TNNI3K: variants seen among roughly 807,000 people sequenced by gnomAD.
TNNI3K encodes TNNI3 interacting kinase.
A neutral mutation model predicts 114.5 loss-of-function variants in TNNI3K; 140 were observed. The ratio of observed to expected loss-of-function variants is 1.22; its 90% CI spans 1.07 to 1.41. The LOEUF is 1.41. Among genes scored for constraint, TNNI3K ranks in the 40% most tolerant of loss-of-function variants. The pLI is 0.00. For missense variants in TNNI3K, 1,125 were observed against 1,007.6 expected (o/e 1.12, Z -1.58); for synonymous variants, 347 against 347.5 (o/e 1.00, Z 0.02).
chr1:74,421,803 C>T (rs1006837889), intron 17 of TNNI3K, among the ~76,000 whole-genome samples: 5 of 151,922 alleles, frequency 3.3e-5, no homozygotes, highest in African/African-American at 1.2e-4. Flanking sequence ...TAGCATACCA[C>T]CCTCAGCACT....
intron 23 of TNNI3K, among the ~76,000 whole-genome samples, chr1:74,529,910 T>G (rs75630474): frequency 0.016 from 2,371 of 152,168 alleles, 52 homozygotes; most frequent in African/African-American, 0.053. Flanking sequence ...TTAGGGAGAG[T>G]GTCCTTAGAG....
At chr1:74,446,952 T>C (rs1415458637) in intron 20 of TNNI3K, among the ~76,000 whole-genome samples, 1 of 93,464 alleles carries the variant, frequency 1.1e-5, no homozygotes, top group Admixed American at 1.3e-4. Context: ...AGCCTTGTAG[T>C]ATAGTTTGAA....
intron 23 of TNNI3K, among the ~76,000 whole-genome samples, chr1:74,533,746 G>A (rs2100448249): frequency 6.6e-6 from 1 of 152,068 alleles, no homozygotes; most frequent in East Asian, 1.9e-4. Context: ...AAAATGATGA[G>A]TTCATGTCCT....
intron 17 of TNNI3K, among the ~76,000 whole-genome samples, chr1:74,404,484 G>T (rs1272421677): frequency 6.6e-6 from 1 of 152,008 alleles, no homozygotes; most frequent in Non-Finnish European, 1.5e-5. Flanking sequence ...AATTCTCTTG[G>T]CCTATGACAG....
intron 4 of TNNI3K, among the ~76,000 whole-genome samples, chr1:74,266,847 C>T (rs1165960107): frequency 2.0e-5 from 3 of 151,862 alleles, no homozygotes; most frequent in African/African-American, 7.3e-5. Flanking sequence ...ATATTTTTAT[C>T]CATTTACATA....
chr1:74,436,003 T>C, intron 17 of TNNI3K, 77 bp from the exon 18 acceptor site: 3 of 1,543,464 alleles, frequency 1.9e-6, no homozygotes, highest in Non-Finnish European at 2.6e-6. Flanking sequence ...TATGGTCCTC[T>C]TCTTTGAGGG....
intron 4 of TNNI3K, among the ~76,000 whole-genome samples, chr1:74,263,982 C>G (rs1293974654): frequency 2.0e-5 from 3 of 151,718 alleles, no homozygotes; most frequent in Admixed American, 2.0e-4. Context: ...TAAATCATCT[C>G]TATATTATTA....
At chr1:74,246,189 T>C (rs1224670574) in intron 2 of TNNI3K, among the ~76,000 whole-genome samples, 3 of 152,218 alleles carry the variant, frequency 2.0e-5, no homozygotes, top group Non-Finnish European at 1.5e-5. Context: ...CTTCACAAAA[T>C]AACATGATTC....
intron 11 of TNNI3K, among the ~76,000 whole-genome samples, chr1:74,358,948 A>C (rs1336504778): frequency 6.6e-6 from 1 of 151,998 alleles, no homozygotes; most frequent in Admixed American, 6.6e-5. Flanking sequence ...TGTATATATA[A>C]TTTAATCAAA....
chr1:74,379,825 T>TTTA (rs761514913), intron 17 of TNNI3K, among the ~76,000 whole-genome samples: 12 of 152,140 alleles, frequency 7.9e-5, no homozygotes, highest in Non-Finnish European at 1.8e-4. Flanking sequence ...CCTTTAGTCC[T>TTTA]GAGTTGTCCT....
chr1:74,512,987 C>G (rs1056286733), intron 23 of TNNI3K, among the ~76,000 whole-genome samples: 3 of 152,202 alleles, frequency 2.0e-5, no homozygotes, highest in African/African-American at 7.2e-5. Flanking sequence ...TGCCCTTTCA[C>G]TAACATTCCT....
chr1:74,276,572 C>T lies in TNNI3K; in HGVS notation c.444+4864C>T, dbSNP rs1656699026. 2.0e-5 allele frequency among the ~76,000 whole-genome samples: 3 copies of T among 152,016 alleles called. No individual in the cohort carries two copies. The South Asian group carries it at 6.2e-4, about 32-fold the overall frequency. On this transcript the variant is annotated intron_variant, in intron 5 of 24. Transcript: ENST00000326637. ...CCTTACTATGCTAAAAATTTAGGTGCTTATTCCACTCCTATTTTTTATTAT... is the reference window on the plus strand; with the variant it reads ...CCTTACTATGCTAAAAATTTAGGTGTTTATTCCACTCCTATTTTTTATTAT...
intron 17 of TNNI3K, chr1:74,373,263 A>T (rs1246903229): frequency 6.6e-6 from 1 of 151,940 alleles, no homozygotes; most frequent in East Asian, 1.9e-4. Flanking sequence ...GTCAAAGATG[A>T]AAGTTGAGTA....
intron 21 of TNNI3K, chr1:74,470,392 T>G (rs1259740263): frequency 2.5e-6 from 1 of 400,646 alleles, no homozygotes; most frequent in African/African-American, 2.1e-5. Context: ...CCCTACTATT[T>G]TTATCTCTAG....
intron 23 of TNNI3K, among the ~76,000 whole-genome samples, chr1:74,538,790 A>G (rs186088126): frequency 3.6e-4 from 55 of 152,300 alleles, no homozygotes; most frequent in African/African-American, 1.0e-3. Flanking sequence ...GCGTTAACAA[A>G]TGCAGAAGCT....
At chr1:74,411,260 G>T (rs897374346) in intron 17 of TNNI3K, among the ~76,000 whole-genome samples, 1 of 152,086 alleles carries the variant, frequency 6.6e-6, no homozygotes, top group South Asian at 2.1e-4. Context: ...AACAGGTAAG[G>T]CTCTATTTAA....
intron 2 of TNNI3K, among the ~76,000 whole-genome samples, chr1:74,241,930 A>T (rs540801254): frequency 3.4e-4 from 51 of 150,934 alleles, no homozygotes; most frequent in African/African-American, 1.2e-3. Flanking sequence ...GCTCACTGCA[A>T]GCTCCGCCTC....
chr1:74,264,817 G>A (rs1039691160), intron 4 of TNNI3K, among the ~76,000 whole-genome samples: 11 of 152,008 alleles, frequency 7.2e-5, no homozygotes, highest in African/African-American at 2.2e-4. Flanking sequence ...CATAGAAGTA[G>A]GCCAATCTTG....
chr1:74,262,748 T>G (rs1655754629), intron 4 of TNNI3K, among the ~76,000 whole-genome samples: 1 of 152,080 alleles, frequency 6.6e-6, no homozygotes, highest in Non-Finnish European at 1.5e-5. Flanking sequence ...AATCTCTTTC[T>G]AAATGAACAC....
Sources: allele counts gnomAD v4.1 joint callset (sites outside exome capture counted in the v4.1 genomes callset), GRCh38; gene constraint gnomAD v4.1.1; transcripts MANE v1.5; gene names NCBI Gene and HGNC (gene_info 2026-07-23, HGNC 2026-07-21).